SLC38A6: variants seen among roughly 807,000 people sequenced by gnomAD.
SLC38A6 encodes the protein N system amino acid transporter NAT-1.
In SLC38A6, 73 loss-of-function variants were observed where a neutral mutation model predicts 65.0. The observed-to-expected ratio is 1.12, with a 90% CI of 0.93 to 1.37. The LOEUF is 1.37. SLC38A6 is among the 40% of genes most tolerant of loss of function. The probability of loss-of-function intolerance (pLI) is 0.00; values close to 1 mark genes in which losing one functional copy is unlikely to be tolerated. For synonymous variants in SLC38A6, 183 were observed against 178.8 expected, an observed-to-expected ratio of 1.02 and a Z score of -0.19; for missense variants, 561 against 531.1, an observed-to-expected ratio of 1.06 and a Z score of -0.55.
intron 6 of SLC38A6, chr14:61,033,905 T>C (rs1036665717): frequency 5.9e-5 from 9 of 152,174 alleles, no homozygotes; most frequent in Non-Finnish European, 1.3e-4. Context: ...ATATTAAGAA[T>C]TTAAAGTTCA....
chr14:61,002,668 A>G (rs916936846), intron 3 of SLC38A6, among the ~76,000 whole-genome samples: 7 of 152,194 alleles, frequency 4.6e-5, no homozygotes, highest in Admixed American at 2.0e-4. Flanking sequence ...CCAAAATATT[A>G]TAGCATTAAA....
chr14:60,995,970 T>A (rs905578691), intron 3 of SLC38A6, among the ~76,000 whole-genome samples: 3 of 152,186 alleles, frequency 2.0e-5, no homozygotes, highest in Non-Finnish European at 4.4e-5. Context: ...TATATATTTG[T>A]CAAAACCCAT....
At chr14:61,037,191 G>C in intron 7 of SLC38A6, 50 bp downstream of exon 7, 1 of 1,369,484 alleles carries the variant, frequency 7.3e-7, no homozygotes, top group South Asian at 1.4e-5. Flanking sequence ...AAAGAAGGGA[G>C]GGAGGGAAAG....
In SLC38A6 at chr14:61,076,430, C is replaced by T. The variant is rs533742888; in HGVS notation, c.1291-2380C>T. On this transcript the variant is annotated intron_variant, in intron 15 of 16. Coordinates refer to the SLC38A6 transcript ENST00000354886. ...ACATTCTCATGTAATCTGAGGTAAG[C>T]ACAGTTATATTCCCCATTTAATAGA... Among the ~76,000 whole-genome samples the T allele has an allele frequency of 5.3e-5, 8 of 152,272 alleles. No homozygotes were observed. The East Asian group carries it at 1.5e-3, about 29-fold the overall frequency.
chr14:61,036,401 C>G (rs2041369882), intron 6 of SLC38A6, among the ~76,000 whole-genome samples: 1 of 145,164 alleles, frequency 6.9e-6, no homozygotes, highest in South Asian at 2.2e-4. Context: ...AATGAGAGCA[C>G]ATGAACACAG....
At chr14:61,042,578 T>C (rs938755431) in intron 8 of SLC38A6, among the ~76,000 whole-genome samples, 4 of 152,212 alleles carry the variant, frequency 2.6e-5, no homozygotes, top group South Asian at 2.1e-4. Flanking sequence ...TGTTTGTTTT[T>C]ACCAGCTGGA....
intron 3 of SLC38A6, among the ~76,000 whole-genome samples, chr14:60,987,852 C>G (rs2037568670): frequency 6.6e-6 from 1 of 152,254 alleles, no homozygotes; most frequent in African/African-American, 2.4e-5. Context: ...TTGATCCCTA[C>G]TACTCACTGG....
downstream of SLC38A6, among the ~76,000 whole-genome samples, chr14:61,055,122 T>TA (rs2042667312): frequency 7.4e-6 from 1 of 135,806 alleles, no homozygotes; most frequent in East Asian, 2.1e-4. Flanking sequence ...TTTTTTCTTT[T>TA]TTTTTTTATT....
chr14:61,050,498 T>C lies in SLC38A6; in HGVS notation c.926-14T>C, dbSNP rs1386130173. ...TAGTACTTTATAATGTGATCCTTAT[T>C]ATTTTATTTACAGACAAAGTGGAGT... On this transcript the variant is annotated splice_polypyrimidine_tract_variant and intron_variant, in intron 12 of 15. Coordinates refer to ENST00000267488, the MANE Select transcript of SLC38A6 (RefSeq NM_153811.3). The C allele has an allele frequency of 6.8e-7, 1 of 1,478,352 alleles. No individual in the cohort carries two copies. The highest frequency in any genetic ancestry group is 9.3e-7 in the Non-Finnish European group (1 of 1,080,230). The allele number at this position is 1,478,352 out of a possible 1,614,324, so 91.6% of individuals were successfully genotyped here.
At chr14:60,987,619 G>C (rs978368077) in intron 3 of SLC38A6, 1 of 152,204 alleles carries the variant, frequency 6.6e-6, no homozygotes, top group Non-Finnish European at 1.5e-5. Flanking sequence ...TGCTCCCTGG[G>C]GCAAAAATGC....
At chr14:60,996,091 G>T (rs2038275450) in intron 3 of SLC38A6, among the ~76,000 whole-genome samples, 1 of 152,186 alleles carries the variant, frequency 6.6e-6, no homozygotes, top group Non-Finnish European at 1.5e-5. Flanking sequence ...CTCTGGTGCA[G>T]GATGTTGATT....
At chr14:61,007,259 C>G (rs898729226) in intron 3 of SLC38A6, among the ~76,000 whole-genome samples, 1 of 151,906 alleles carries the variant, frequency 6.6e-6, no homozygotes, top group African/African-American at 2.4e-5. Flanking sequence ...ACCAGCGTGG[C>G]ACATGTATAC....
intron 3 of SLC38A6, among the ~76,000 whole-genome samples, chr14:60,989,737 G>T (rs145447257): frequency 6.6e-6 from 1 of 152,060 alleles, no homozygotes; most frequent in Non-Finnish European, 1.5e-5. Flanking sequence ...AAAAGAAAAA[G>T]AATTATCTAA....
At chr14:61,083,102 T>A (rs1006883966) in intron 16 of SLC38A6, among the ~76,000 whole-genome samples, 8 of 152,230 alleles carry the variant, frequency 5.3e-5, no homozygotes, top group African/African-American at 1.7e-4. Flanking sequence ...CCTCCTGCTC[T>A]GAGCCCAGAG....
chr14:61,046,076 G>A lies in SLC38A6; in HGVS notation c.834G>A (p.Lys278=). The A allele has an allele frequency of 6.2e-7, 1 of 1,603,184 alleles. No individual in the cohort carries two copies. ...CATTTTTGTCTTTTAGTCCTTCAAA[G>A]AAAAGAATGCAGAATGTTACCAATA... The part of the protein sequence containing the change: ...PIYCELQSPS[K]KRMQNVTNTA... The change falls in exon 12 of 16, where the codon AAG becomes AAA. Residue 278 remains lysine, a synonymous_variant. Coordinates refer to ENST00000267488, the MANE Select transcript of SLC38A6 (RefSeq NM_153811.3).
At chr14:61,014,977 A>G (rs768586150) in intron 3 of SLC38A6, among the ~76,000 whole-genome samples, 8 of 152,158 alleles carry the variant, frequency 5.3e-5, no homozygotes, top group Non-Finnish European at 7.4e-5. Context: ...CCCTGCCCCT[A>G]GAGGTGGAGT....
Position 61,043,156 on chromosome 14 carries a change from A to T in SLC38A6, c.634A>T (p.Lys212Ter), listed in dbSNP as rs1566697004. 1.2e-5 allele frequency: 18 copies of T among 1,528,294 alleles called. No individual in the cohort carries two copies. The highest frequency in any genetic ancestry group is 2.4e-5 in the South Asian group (2 of 83,432). 94.7% of individuals were successfully genotyped at this position (1,528,294 alleles called of 1,614,324 possible). A position where few individuals can be genotyped will look rare whatever the true frequency, so the allele number is the denominator to read the frequency against. The change falls in exon 9 of 16, where the codon AAA (lysine) becomes TAA (stop). Residue 212 changes from lysine to a stop codon, truncating the protein, a stop_gained. Transcript: ENST00000267488. LOFTEE classifies it high-confidence loss of function. ...MMFFALVVII[K>*]KWSIPCPLTL... ...CTGTTTACTTTTTTAGGTAATAATTAAAAAATGGTCCATCCCTTGTCCTCT... is the reference window on the plus strand; with the variant it reads ...CTGTTTACTTTTTTAGGTAATAATTTAAAAATGGTCCATCCCTTGTCCTCT...
intron 8 of SLC38A6, among the ~76,000 whole-genome samples, chr14:61,041,485 TAAC>T (rs1191847625): frequency 1.3e-5 from 2 of 152,242 alleles, no homozygotes; most frequent in African/African-American, 4.8e-5. Flanking sequence ...GCTTAAGAAA[TAAC>T]AACTGATAAA....
chr14:61,078,551 T>C (rs761385501), intron 15 of SLC38A6, among the ~76,000 whole-genome samples: 4 of 152,028 alleles, frequency 2.6e-5, no homozygotes, highest in Non-Finnish European at 4.4e-5. Flanking sequence ...CCTCTCTGCA[T>C]TGGACTAGTG....
Sources: gnomAD v4.1 joint callset for allele counts (sites outside exome capture counted in the v4.1 genomes callset) on GRCh38, gnomAD v4.1.1 for gene constraint, MANE v1.5 for transcripts, NCBI Gene and HGNC (gene_info 2026-07-23, HGNC 2026-07-21) for gene names.